Variants in ZNF365 observed in about 807,000 individuals in gnomAD.
The protein encoded by ZNF365 is zinc finger protein 365, also known as protein ZNF365.
In ZNF365, 22 loss-of-function variants were observed where a neutral mutation model predicts 35.0. The observed-to-expected ratio is 0.63, with a 90% CI of 0.45 to 0.90. The LOEUF is 0.90. ZNF365 is among the 40% of genes least tolerant of loss of function. The pLI is 0.00. For synonymous variants in ZNF365, 188 were observed against 196.2 expected (o/e 0.96, Z 0.35); for missense variants, 448 against 500.3 (o/e 0.90, Z 1.00).
At position 62,479,950 on chromosome 10, in the gene ZNF365, A is replaced by G. The variant is rs11819488; in HGVS notation, c.*54A>G. ...AGGACTTGGATCAAGAGAATCGCAA[A>G]TTAATTGTGCCAGAGAAGCTTTCAT... is the stretch of plus-strand genomic sequence containing the variant. On this transcript the variant is annotated 3_prime_UTR_variant, in exon 5 of 5. Transcript: ENST00000395255. The G allele has an allele frequency of 0.055, 87,792 of 1,609,644 alleles. 2,796 individuals carry two copies. Among genetic ancestry groups the G allele is most frequent in the East Asian group, 0.16 (7,270 of 44,726 alleles).
intron 3 of ZNF365, among the ~76,000 whole-genome samples, chr10:62,440,156 C>T (rs1421746753): frequency 1.3e-5 from 2 of 148,176 alleles, no homozygotes; most frequent in African/African-American, 4.9e-5. Context: ...TAATTATAAG[C>T]TTTATGAATG....
At chr10:62,380,797 T>C (rs989464175) in intron 2 of ZNF365, among the ~76,000 whole-genome samples, 1 of 152,244 alleles carries the variant, frequency 6.6e-6, no homozygotes, top group Non-Finnish European at 1.5e-5. Context: ...CCTGGAAACC[T>C]TGCTTTAAGG....
chr10:62,472,748 C>T (rs997239444), intron 4 of ZNF365, among the ~76,000 whole-genome samples: 6 of 152,174 alleles, frequency 3.9e-5, no homozygotes, highest in African/African-American at 1.4e-4. Context: ...CTTTCCTTGC[C>T]TATTTTACAT....
chr10:62,382,613 G>C (rs1839459035), intron 2 of ZNF365, among the ~76,000 whole-genome samples: 1 of 152,208 alleles, frequency 6.6e-6, no homozygotes, highest in African/African-American at 2.4e-5. Flanking sequence ...AGAATAGTTT[G>C]ATTTTCTCAT....
In ZNF365 at chr10:62,401,716, T is replaced by C. The variant is rs541682395; in HGVS notation, c.*1927T>C. 1.0e-6 allele frequency: 1 copy of C among 985,574 alleles called. No homozygotes were observed. The highest frequency in any genetic ancestry group is 1.2e-6 in the Non-Finnish European group (1 of 829,922). The allele number at this position is 985,574 out of a possible 1,614,324, so 61.1% of individuals were successfully genotyped here. A position where few individuals can be genotyped will look rare whatever the true frequency, so the allele number is the denominator to read the frequency against. On this transcript the variant is annotated 3_prime_UTR_variant, in exon 5 of 5. Coordinates refer to ENST00000395254, the MANE Select transcript of ZNF365 (RefSeq NM_014951.3). The stretch of plus-strand genomic sequence containing the variant: ...ATGACTTGTTAGTTGTATTGCATGC[T>C]CTTTGTCCTGTAATGTGTGTGCAAT...
At chr10:62,430,822 G>T (rs183883538) in intron 3 of ZNF365, among the ~76,000 whole-genome samples, 1 of 152,120 alleles carries the variant, frequency 6.6e-6, no homozygotes, top group Non-Finnish European at 1.5e-5. Context: ...TCTTTCTGCT[G>T]AACACCAAAC....
chr10:62,422,610 G>A (rs938765423), intron 3 of ZNF365, among the ~76,000 whole-genome samples: 37 of 152,152 alleles, frequency 2.4e-4, no homozygotes, highest in African/African-American at 8.7e-4. Flanking sequence ...AGGAGAAACA[G>A]TGCAGATACC....
chr10:62,444,256 A>T (rs1840547899), intron 3 of ZNF365, among the ~76,000 whole-genome samples: 1 of 152,104 alleles, frequency 6.6e-6, no homozygotes. Flanking sequence ...CCCTGCAGAT[A>T]CATCTCTTGG....
chr10:62,451,228 G>A (rs896683717), intron 3 of ZNF365, among the ~76,000 whole-genome samples: 9 of 152,126 alleles, frequency 5.9e-5, no homozygotes, highest in Non-Finnish European at 1.2e-4. Flanking sequence ...GAATCTTGAT[G>A]CTCCTTTTTT....
At chr10:62,460,016 C>T (rs781732996) in intron 4 of ZNF365, among the ~76,000 whole-genome samples, 13 of 152,266 alleles carry the variant, frequency 8.5e-5, no homozygotes, top group Non-Finnish European at 1.9e-4. Context: ...TAGCTTTTCC[C>T]CCTATATATG....
chr10:62,434,716 AC>A (rs1193194737), intron 3 of ZNF365, among the ~76,000 whole-genome samples: 2 of 152,220 alleles, frequency 1.3e-5, no homozygotes, highest in Non-Finnish European at 2.9e-5. Context: ...GGAAATCAGA[AC>A]AAAATTAGTG....
chr10:62,382,381 T>G (rs1482284722), intron 2 of ZNF365, among the ~76,000 whole-genome samples: 1 of 152,200 alleles, frequency 6.6e-6, no homozygotes, highest in African/African-American at 2.4e-5. Context: ...GGGTCCTCTC[T>G]TTTCAGGATG....
At chr10:62,374,697 G>A (rs1235036543) in intron 1 of ZNF365, among the ~76,000 whole-genome samples, 1 of 152,232 alleles carries the variant, frequency 6.6e-6, no homozygotes, top group African/African-American at 2.4e-5. Context: ...GTCATTGCCA[G>A]CCTGCCCTTC....
chr10:62,471,651 A>C (rs1458476722), intron 4 of ZNF365, among the ~76,000 whole-genome samples: 1 of 152,168 alleles, frequency 6.6e-6, no homozygotes, highest in African/African-American at 2.4e-5. Flanking sequence ...TATACCGTAC[A>C]CCCACCATTG....
intron 3 of ZNF365, among the ~76,000 whole-genome samples, chr10:62,427,779 T>C (rs1840272775): frequency 6.6e-6 from 1 of 152,164 alleles, no homozygotes; most frequent in South Asian, 2.1e-4. Flanking sequence ...TATCCCTGTG[T>C]TAACAGGCTT....
chr10:62,450,880 T>C (rs1447038234), intron 3 of ZNF365, among the ~76,000 whole-genome samples: 2 of 152,218 alleles, frequency 1.3e-5, no homozygotes, highest in East Asian at 1.9e-4. Flanking sequence ...AATGAACCTA[T>C]TCCCCTGACA....
chr10:62,412,342 CA>C (rs777214820), intron 3 of ZNF365, among the ~76,000 whole-genome samples: 28 of 152,142 alleles, frequency 1.8e-4, no homozygotes, highest in Non-Finnish European at 3.4e-4. Flanking sequence ...ACTGAATGGG[CA>C]AAAGCTGGAA....
At chr10:62,457,064 G>A (rs1187916053) in intron 3 of ZNF365, among the ~76,000 whole-genome samples, 2 of 152,148 alleles carry the variant, frequency 1.3e-5, no homozygotes, top group Admixed American at 1.3e-4. Flanking sequence ...TTCTGGGCTA[G>A]TGTAGCTCAG....
chr10:62,467,371 A>G (rs1204911747), intron 4 of ZNF365, among the ~76,000 whole-genome samples: 3 of 152,204 alleles, frequency 2.0e-5, no homozygotes, highest in African/African-American at 7.2e-5. Flanking sequence ...TGAAGATTAG[A>G]TTATTTTATC....
Sources: gnomAD v4.1 joint callset for allele counts (sites outside exome capture counted in the v4.1 genomes callset) on GRCh38, gnomAD v4.1.1 for gene constraint, MANE v1.5 for transcripts, NCBI Gene and HGNC (gene_info 2026-07-23, HGNC 2026-07-21) for gene names.